EPHA5: variants seen among roughly 807,000 people sequenced by gnomAD.
The protein encoded by EPHA5 is EPH receptor A5.
In EPHA5, 60 loss-of-function variants were observed where a neutral mutation model predicts 105.0. The ratio of observed to expected loss-of-function variants is 0.57; its 90% confidence interval spans 0.46 to 0.71. EPHA5 has a LOEUF of 0.71. Among genes scored for constraint, EPHA5 ranks in the 30% least tolerant of loss-of-function variants. The pLI is 0.00. For synonymous variants in EPHA5, 513 were observed against 449.1 expected (o/e 1.14, Z -1.80); for missense variants, 1,218 against 1,274.7 (o/e 0.96, Z 0.68).
At chr4:65,470,199 T>C (rs1729149382) in intron 5 of EPHA5, among the ~76,000 whole-genome samples, 1 of 151,430 alleles carries the variant, frequency 6.6e-6, no homozygotes, top group Non-Finnish European at 1.5e-5. Context: ...CTTTGTTTTT[T>C]TTTTTTTTCT....
At chr4:65,601,546 G>A in intron 3 of EPHA5, 95 bp downstream of exon 3, 5 of 1,225,008 alleles carry the variant, frequency 4.1e-6, no homozygotes, top group Non-Finnish European at 5.7e-6. Context: ...AATTAGCAAA[G>A]TAAAAGGTCA....
intron 14 of EPHA5, among the ~76,000 whole-genome samples, chr4:65,346,528 T>A (rs1722241174): frequency 6.6e-6 from 1 of 152,154 alleles, no homozygotes; most frequent in Non-Finnish European, 1.5e-5. Context: ...GGTGTGAAGT[T>A]GGGGTTTCAT....
chr4:65,558,691 C>T (rs930914330), intron 3 of EPHA5, among the ~76,000 whole-genome samples: 3 of 152,038 alleles, frequency 2.0e-5, no homozygotes, highest in African/African-American at 4.8e-5. Flanking sequence ...TCCCTCCCTC[C>T]TCCCCGCACC....
At chr4:65,612,037 AAAGGAAAGAAAAG>A (rs1744822223) in intron 2 of EPHA5, among the ~76,000 whole-genome samples, 2 of 126,868 alleles carry the variant, frequency 1.6e-5, no homozygotes, top group East Asian at 2.0e-4. Flanking sequence ...AAAAAAAAAA[AAAGGAAAGAAAAG>A]AAAAGAAAAG....
At chr4:65,527,992 T>G (rs77755699) in intron 3 of EPHA5, among the ~76,000 whole-genome samples, 2,578 of 152,210 alleles carry the variant, frequency 0.017, 69 homozygotes, top group African/African-American at 0.059. Context: ...ACATTTTGGT[T>G]AAATAAATGA....
intron 2 of EPHA5, among the ~76,000 whole-genome samples, chr4:65,621,420 T>C (rs1210761421): frequency 1.3e-5 from 2 of 152,162 alleles, no homozygotes; most frequent in East Asian, 1.9e-4. Flanking sequence ...GATTCTCTAA[T>C]GGTAAATAGT....
rs905695085 is a variant in EPHA5 at position 65,403,707 on chromosome 4, G to T, written c.1793+667C>A. 5.9e-5 allele frequency among the ~76,000 whole-genome samples: 9 copies of T among 151,862 alleles called. No individual in the cohort carries two copies. In the East Asian group the frequency reaches 1.5e-3, roughly 26 times the overall value. ...TCAGAAAGCACCTAGAATAGCTATT[G>T]TTAAGACTTTATCTCTTTTTGGTAT... On this transcript the variant is annotated intron_variant, in intron 8 of 16. Coordinates refer to ENST00000613740, the MANE Select transcript of EPHA5 (RefSeq NM_001281766.3).
chr4:65,352,605 T>A (rs749467774), intron 12 of EPHA5, among the ~76,000 whole-genome samples: 1 of 152,000 alleles, frequency 6.6e-6, no homozygotes, highest in South Asian at 2.1e-4. Context: ...GGAGCACTTA[T>A]AGGCTCTAAC....
In EPHA5 at chr4:65,488,397, A is replaced by G. The variant is rs140981455; in HGVS notation, c.1402+1980T>C. Among the ~76,000 whole-genome samples the G allele has an allele frequency of 5.1e-4, 77 of 152,242 alleles. 2 individuals are homozygous for G. The East Asian group carries it at 0.014, about 27-fold the overall frequency. On this transcript the variant is annotated intron_variant, in intron 5 of 16. Coordinates refer to ENST00000613740, the MANE Select transcript of EPHA5 (RefSeq NM_001281766.3). ...CTTACAATATGTTGGTAGAAGATTC[A>G]TACGTAGAATCAAGTAAAGTTGAAA...
At chr4:65,361,291 G>C (rs1328612262) in intron 11 of EPHA5, among the ~76,000 whole-genome samples, 1 of 151,658 alleles carries the variant, frequency 6.6e-6, no homozygotes, top group Admixed American at 6.6e-5. Context: ...TGAAGGTCGA[G>C]TAGAGAGAAG....
At chr4:65,444,755 C>A (rs1726350505) in intron 5 of EPHA5, among the ~76,000 whole-genome samples, 2 of 152,050 alleles carry the variant, frequency 1.3e-5, no homozygotes, top group African/African-American at 2.4e-5. Context: ...ACCACTTCAT[C>A]ACTATTTATT....
intron 3 of EPHA5, among the ~76,000 whole-genome samples, chr4:65,506,312 G>T (rs1035424295): frequency 2.0e-5 from 3 of 150,862 alleles, no homozygotes; most frequent in African/African-American, 7.3e-5. Context: ...ATAAACATAC[G>T]TGTGCATGTG....
intron 2 of EPHA5, among the ~76,000 whole-genome samples, chr4:65,617,657 T>TC (rs1011846471): frequency 6.6e-6 from 1 of 152,086 alleles, no homozygotes; most frequent in African/African-American, 2.4e-5. Context: ...TTTTTTCTTC[T>TC]CAATAATAAC....
chr4:65,600,391 C>A (rs1406981096), intron 3 of EPHA5, among the ~76,000 whole-genome samples: 1 of 151,978 alleles, frequency 6.6e-6, no homozygotes, highest in African/African-American at 2.4e-5. Flanking sequence ...CATGGAAAAA[C>A]AACAGAATTA....
chr4:65,447,499 T>C (rs995371556), intron 5 of EPHA5, among the ~76,000 whole-genome samples: 4 of 150,406 alleles, frequency 2.7e-5, no homozygotes, highest in African/African-American at 9.7e-5. Context: ...TTATATAATA[T>C]ATATATTTTT....
intron 5 of EPHA5, among the ~76,000 whole-genome samples, chr4:65,479,618 G>T (rs567805271): frequency 3.0e-4 from 46 of 152,240 alleles, no homozygotes; most frequent in African/African-American, 1.1e-3. Flanking sequence ...TAAAATGACT[G>T]TATCAGGGCT....
chr4:65,434,057 A>C (rs1725250458), intron 5 of EPHA5, among the ~76,000 whole-genome samples: 1 of 149,240 alleles, frequency 6.7e-6, no homozygotes, highest in Non-Finnish European at 1.5e-5. Flanking sequence ...TCCATCTCAA[A>C]AAAATAAAAA....
chr4:65,536,604 C>T (rs1284923309), intron 3 of EPHA5, among the ~76,000 whole-genome samples: 2 of 151,714 alleles, frequency 1.3e-5, no homozygotes, highest in Admixed American at 6.6e-5. Context: ...ATTCTAACTA[C>T]ATTTTTAAAA....
At chr4:65,375,864 T>A (rs1718951662) in intron 8 of EPHA5, among the ~76,000 whole-genome samples, 1 of 151,814 alleles carries the variant, frequency 6.6e-6, no homozygotes. Flanking sequence ...TAGTTTGTAT[T>A]TAGTTTGACA....
Sources: allele counts gnomAD v4.1 joint callset (sites outside exome capture counted in the v4.1 genomes callset), GRCh38; gene constraint gnomAD v4.1.1; transcripts MANE v1.5; gene names NCBI Gene and HGNC (gene_info 2026-07-23, HGNC 2026-07-21).